GRXCR1: variants seen among roughly 807,000 people sequenced by gnomAD.
GRXCR1 encodes the protein glutaredoxin and cysteine rich domain containing 1.
A neutral mutation model predicts 27.3 loss-of-function variants in GRXCR1; 27 were observed. The observed-to-expected ratio is 0.99, with a 90% CI of 0.73 to 1.37. The LOEUF (loss-of-function observed/expected upper bound fraction) is 1.37. Ranked by LOEUF, GRXCR1 falls within the 40% of genes most tolerant of loss-of-function variation. GRXCR1 has a pLI of 0.00. For missense variants in GRXCR1, 379 were observed against 354.4 expected, an observed-to-expected ratio of 1.07 and a Z score of -0.56; for synonymous variants, 122 against 131.1, an observed-to-expected ratio of 0.93 and a Z score of 0.47.
At chr4:43,006,107 C>T (rs917347805) in intron 2 of GRXCR1, among the ~76,000 whole-genome samples, 4 of 152,182 alleles carry the variant, frequency 2.6e-5, no homozygotes, top group African/African-American at 9.6e-5. Flanking sequence ...TATCACTTCC[C>T]CAATCAATAC....
In GRXCR1 at chr4:42,902,817, T is replaced by C. The variant is rs374951920; in HGVS notation, c.384+9167T>C. On this transcript the variant is annotated intron_variant, in intron 1 of 3. Coordinates refer to ENST00000399770, the MANE Select transcript of GRXCR1 (RefSeq NM_001080476.3). ...ACCTATGCAGCAAACCTGCACATCCTGCACATGTACCCCTGAACTTAAAAT... is the reference window on the plus strand; with the variant it reads ...ACCTATGCAGCAAACCTGCACATCCCGCACATGTACCCCTGAACTTAAAAT... Among the ~76,000 whole-genome samples the C allele has an allele frequency of 3.9e-4, 60 of 152,302 alleles. 1 individual carries two copies. In the South Asian group the frequency reaches 0.01, roughly 26 times the overall value.
intron 1 of GRXCR1, among the ~76,000 whole-genome samples, chr4:42,957,032 G>A (rs189792473): frequency 2.8e-4 from 43 of 151,986 alleles, no homozygotes; most frequent in Non-Finnish European, 5.4e-4. Context: ...CCCTTCTTGT[G>A]TATCAAGAAA....
At chr4:42,953,187 C>T (rs1007660328) in intron 1 of GRXCR1, among the ~76,000 whole-genome samples, 14 of 152,148 alleles carry the variant, frequency 9.2e-5, no homozygotes, top group African/African-American at 3.4e-4. Flanking sequence ...AGCAAGATCT[C>T]TGGTTCCACA....
intron 1 of GRXCR1, among the ~76,000 whole-genome samples, chr4:42,920,901 T>C (rs1746994065): frequency 6.8e-6 from 1 of 146,322 alleles, no homozygotes; most frequent in African/African-American, 2.6e-5. Context: ...CCAGTCTACT[T>C]TGCTATGCGG....
In GRXCR1 at chr4:43,030,566, T is replaced by C. The variant is rs1477885895; in HGVS notation, c.*26T>C. The C allele has an allele frequency of 1.3e-6, 2 of 1,591,552 alleles. No homozygotes were observed. Among genetic ancestry groups the C allele is most frequent in the East Asian group, 2.2e-5 (1 of 44,772 alleles). Reference sequence around the variant, plus strand: ...TTGGAGCTTCTACCCAGGAAAAACCTCATTTTATTAATCAAAGGCAATACT... The same window carrying C: ...TTGGAGCTTCTACCCAGGAAAAACCCCATTTTATTAATCAAAGGCAATACT... On this transcript the variant is annotated 3_prime_UTR_variant, in exon 4 of 4. Coordinates refer to ENST00000399770, the MANE Select transcript of GRXCR1 (RefSeq NM_001080476.3).
chr4:42,953,491 T>C (rs530145499), intron 1 of GRXCR1, among the ~76,000 whole-genome samples: 8 of 152,292 alleles, frequency 5.3e-5, no homozygotes, highest in Admixed American at 5.2e-4. Flanking sequence ...CTGCCAGTCA[T>C]GTGAGTGAAA....
At chr4:42,897,426 G>T (rs920226415) in intron 1 of GRXCR1, among the ~76,000 whole-genome samples, 3 of 151,900 alleles carry the variant, frequency 2.0e-5, no homozygotes, top group Non-Finnish European at 2.9e-5. Context: ...GAGATAAATA[G>T]GTGCAAAGAA....
At chr4:42,962,808 T>C in intron 1 of GRXCR1, 84 bp from the exon 2 acceptor site, 1 of 1,517,186 alleles carries the variant, frequency 6.6e-7, no homozygotes, top group Non-Finnish European at 9.1e-7. Context: ...TGCATGGCTT[T>C]AACGCAATTT....
chr4:42,964,141 G>T (rs529075440), intron 2 of GRXCR1, among the ~76,000 whole-genome samples: 1 of 151,958 alleles, frequency 6.6e-6, no homozygotes, highest in South Asian at 2.1e-4. Context: ...TGTAGTAGAG[G>T]AATGCTGATT....
chr4:42,987,706 A>G (rs1247521184), intron 2 of GRXCR1, among the ~76,000 whole-genome samples: 1 of 152,130 alleles, frequency 6.6e-6, no homozygotes, highest in African/African-American at 2.4e-5. Flanking sequence ...GGATTTCCCT[A>G]TGAGGTGTGG....
At chr4:42,993,305 A>T (rs1712034110) in intron 2 of GRXCR1, among the ~76,000 whole-genome samples, 1 of 151,940 alleles carries the variant, frequency 6.6e-6, no homozygotes. Context: ...GGACATGGGG[A>T]TATTAATTTC....
In GRXCR1 at chr4:42,958,930, G is replaced by A. The variant is rs368943707; in HGVS notation, c.385-3962G>A. 3.9e-5 allele frequency among the ~76,000 whole-genome samples: 6 copies of A among 152,088 alleles called. No individual in the cohort carries two copies. The South Asian group carries it at 6.2e-4, about 16-fold the overall frequency. ...AAAAAGACAAGAAACAGCAAGTGTT[G>A]CACATGTGTGAAGAAAAGGGAACAA... On this transcript the variant is annotated intron_variant, in intron 1 of 3. Transcript: ENST00000399770.
chr4:43,010,653 G>A (rs1345641775), intron 2 of GRXCR1, among the ~76,000 whole-genome samples: 2 of 152,024 alleles, frequency 1.3e-5, no homozygotes, highest in Non-Finnish European at 2.9e-5. Flanking sequence ...TAGCAGGAGG[G>A]TAGTTCCAAT....
At chr4:43,003,326 G>T (rs1319574865) in intron 2 of GRXCR1, among the ~76,000 whole-genome samples, 1 of 152,028 alleles carries the variant, frequency 6.6e-6, no homozygotes, top group Non-Finnish European at 1.5e-5. Context: ...AAAAAAAACA[G>T]AAGTGTGAGA....
intron 1 of GRXCR1, among the ~76,000 whole-genome samples, chr4:42,906,714 C>T (rs758244268): frequency 6.6e-6 from 1 of 152,146 alleles, no homozygotes; most frequent in African/African-American, 2.4e-5. Flanking sequence ...ATACAAGCAA[C>T]CCTTCATTGA....
At chr4:42,979,870 T>C (rs552763699) in intron 2 of GRXCR1, among the ~76,000 whole-genome samples, 2 of 152,124 alleles carry the variant, frequency 1.3e-5, no homozygotes, top group South Asian at 4.1e-4. Context: ...AGATATTTTA[T>C]TTTTTCATAA....
chr4:42,999,156 T>TA (rs1238315999), intron 2 of GRXCR1, among the ~76,000 whole-genome samples: 1 of 152,252 alleles, frequency 6.6e-6, no homozygotes. Flanking sequence ...CTTGCATTCT[T>TA]ATGATCCTTT....
chr4:43,027,786 T>C (rs1405261682), intron 3 of GRXCR1, among the ~76,000 whole-genome samples: 2 of 152,136 alleles, frequency 1.3e-5, no homozygotes, highest in Non-Finnish European at 2.9e-5. Flanking sequence ...TTATTGAAAA[T>C]ATTGAAATAT....
At chr4:42,993,112 T>G (rs898018215) in intron 2 of GRXCR1, among the ~76,000 whole-genome samples, 22 of 152,166 alleles carry the variant, frequency 1.4e-4, no homozygotes, top group Non-Finnish European at 5.9e-5. Flanking sequence ...CCTTTCTTCT[T>G]TCTTTTTTTA....
Sources: gnomAD v4.1 joint callset for allele counts (sites outside exome capture counted in the v4.1 genomes callset) on GRCh38, gnomAD v4.1.1 for gene constraint, MANE v1.5 for transcripts, NCBI Gene and HGNC (gene_info 2026-07-23, HGNC 2026-07-21) for gene names.